The following TXNDC12 variants were observed in gnomAD, a reference collection of about 807,000 sequenced individuals.
TXNDC12 encodes the protein thioredoxin domain containing 12.
TXNDC12 carries 22 observed loss-of-function variants against 24.2 expected under a neutral mutation model. That is an observed-to-expected ratio of 0.91 (90% confidence interval 0.65 to 1.30). TXNDC12 has a LOEUF of 1.30. Ranked by LOEUF, TXNDC12 falls within the 50% of genes most tolerant of loss-of-function variation. The pLI is 0.00. For missense variants in TXNDC12, 184 were observed against 205.8 expected (o/e 0.89, Z 0.65); for synonymous variants, 58 against 73.4 (o/e 0.79, Z 1.07).
At chr1:52,054,380 G>A (rs1385125605) in intron 1 of TXNDC12, among the ~76,000 whole-genome samples, 4 of 152,226 alleles carry the variant, frequency 2.6e-5, no homozygotes, top group African/African-American at 9.6e-5. Context: ...AATGGATGGA[G>A]TAGGGGGCCA....
At chr1:52,029,038 G>T (rs1571999620) in intron 2 of TXNDC12, among the ~76,000 whole-genome samples, 1 of 152,122 alleles carries the variant, frequency 6.6e-6, no homozygotes, top group East Asian at 1.9e-4. Context: ...TGAAATATGA[G>T]AATTGCTTAA....
At position 52,041,586 on chromosome 1, in the gene TXNDC12, G is replaced by A; in HGVS notation, c.109C>T (p.His37Tyr). ...TCTTCCAGTGTCCTCCAATGAATAT[G>A]ATCTCCAAAACCTGGAAGGAAAGAA... ...HNGLGKGFGDHIHWRTLEDGK... is the reference protein window; with the variant it reads ...HNGLGKGFGDYIHWRTLEDGK... The change falls in exon 2 of 7, where the codon CAT becomes TAT. Residue 37 changes from histidine (H) to tyrosine (Y), a missense_variant. His to Tyr is a moderately conservative substitution (Grantham distance 83). Coordinates refer to ENST00000371626, the MANE Select transcript of TXNDC12 (RefSeq NM_015913.4). The A allele has an allele frequency of 6.2e-7, 1 of 1,610,452 alleles. No individual in the cohort carries two copies. The highest frequency in any genetic ancestry group is 8.5e-7 in the Non-Finnish European group (1 of 1,177,734).
intron 1 of TXNDC12, 44 bp from the exon 2 acceptor site, chr1:52,041,641 G>C: frequency 1.5e-6 from 2 of 1,341,240 alleles, no homozygotes; most frequent in South Asian, 2.4e-5. Context: ...ATGAACAAAG[G>C]GCACAGTCCC....
rs762507500 is a variant in TXNDC12, at chr1:52,023,494, G to C, written c.436C>G (p.Gln146Glu). Reference sequence around the variant, plus strand: ...CCTCCCTTCAGCATAACTATACCTTGCTCGGCACTGACATAAAAATACTTG... The same window carrying C: ...CCTCCCTTCAGCATAACTATACCTTCCTCGGCACTGACATAAAAATACTTG... ...SYKYFYVSAE[Q>E]VVQGMKEAQE... The change falls in exon 6 of 7, where the codon CAA (glutamine) becomes GAA (glutamate). Residue 146 changes from glutamine to glutamate, a missense_variant. Transcript: ENST00000371626. The C allele has an allele frequency of 8.1e-6, 13 of 1,612,778 alleles. No individual in the cohort carries two copies. Among genetic ancestry groups the C allele is most frequent in the Non-Finnish European group, 1.1e-5 (13 of 1,178,838 alleles).
At chr1:52,025,992 C>T (rs1685666841) in intron 4 of TXNDC12, among the ~76,000 whole-genome samples, 1 of 151,912 alleles carries the variant, frequency 6.6e-6, no homozygotes, top group Admixed American at 6.6e-5. Context: ...CCACACCCAG[C>T]TAATTTTTTT....
At chr1:52,032,463 T>G in intron 2 of TXNDC12, 2 of 1,304,718 alleles carry the variant, frequency 1.5e-6, no homozygotes, top group Non-Finnish European at 1.9e-6. Context: ...AGCTCTGTCC[T>G]CTGAGGGATT....
At chr1:52,049,785 G>C (rs1040020820) in intron 1 of TXNDC12, among the ~76,000 whole-genome samples, 1 of 151,302 alleles carries the variant, frequency 6.6e-6, no homozygotes, top group African/African-American at 2.4e-5. Flanking sequence ...CAATCTGCCC[G>C]CCTTGGCCTC....
intron 3 of TXNDC12, among the ~76,000 whole-genome samples, chr1:52,027,796 A>T (rs749451020): frequency 4.7e-5 from 7 of 149,774 alleles, no homozygotes; most frequent in Non-Finnish European, 1.0e-4. Flanking sequence ...TGTTATGTAT[A>T]TATGTGTATA....
At chr1:52,045,239 G>C (rs1304148296) in intron 1 of TXNDC12, among the ~76,000 whole-genome samples, 5 of 152,200 alleles carry the variant, frequency 3.3e-5, no homozygotes, top group Non-Finnish European at 7.3e-5. Context: ...GTGGTTAACA[G>C]GGATTCTGGG....
chr1:52,033,520 A>G, intron 2 of TXNDC12: 1 of 1,613,984 alleles, frequency 6.2e-7, no homozygotes, highest in Non-Finnish European at 8.5e-7. Flanking sequence ...GATGTAGTTA[A>G]GCGAGTCCAG....
intron 3 of TXNDC12, 120 bp from the exon 4 acceptor site, chr1:52,027,468 T>A (rs566044823): frequency 1.3e-6 from 1 of 752,456 alleles, no homozygotes; most frequent in Admixed American, 2.8e-5. Context: ...TTGATTCATA[T>A]AACAAACTTT....
chr1:52,033,484 C>G lies in TXNDC12; in HGVS notation c.159-4854G>C, dbSNP rs556191211. The G allele has an allele frequency of 2.5e-6, 4 of 1,613,806 alleles. No individual in the cohort carries two copies. The East Asian group carries it at 8.9e-5, about 36-fold the overall frequency. On this transcript the variant is annotated intron_variant, in intron 2 of 6. Coordinates refer to ENST00000371626, the MANE Select transcript of TXNDC12 (RefSeq NM_015913.4). ...CGGGGTGCGCGCCGCCCGTGCCAGG[C>G]AGTAGAGCTCGTAACGGAAACCTTT...
At chr1:52,037,861 A>C (rs1685914261) in intron 2 of TXNDC12, among the ~76,000 whole-genome samples, 1 of 152,000 alleles carries the variant, frequency 6.6e-6, no homozygotes, top group Non-Finnish European at 1.5e-5. Flanking sequence ...TTTTTGCACA[A>C]AAGAGTAGAG....
At chr1:52,025,009 T>C (rs1557990267) in intron 4 of TXNDC12, among the ~76,000 whole-genome samples, 1 of 152,212 alleles carries the variant, frequency 6.6e-6, no homozygotes. Flanking sequence ...ATCTGACATA[T>C]TCTAAAATAC....
intron 2 of TXNDC12, among the ~76,000 whole-genome samples, chr1:52,036,219 A>G (rs2124375655): frequency 6.6e-6 from 1 of 152,322 alleles, no homozygotes; most frequent in South Asian, 2.1e-4. Context: ...CTTACTAATA[A>G]TATATTCAGT....
At chr1:52,027,951 G>A (rs1293814027) in intron 3 of TXNDC12, among the ~76,000 whole-genome samples, 2 of 151,728 alleles carry the variant, frequency 1.3e-5, no homozygotes, top group South Asian at 2.1e-4. Context: ...TCAGCCTCCC[G>A]AGTAGCTAGG....
chr1:52,035,832 A>C lies in TXNDC12; in HGVS notation c.158+5705T>G, dbSNP rs76241915. Among the ~76,000 whole-genome samples, 757 of 152,276 alleles carry C rather than the reference A, an allele frequency of 5.0e-3. 14 individuals carry two copies. In the South Asian group the frequency reaches 0.057, roughly 12 times the overall value. ...ACTAAACCTACTTGAGACTTTACAG[A>C]CTATTCAACTTGATTCTAGCAGGCA... On this transcript the variant is annotated intron_variant, in intron 2 of 6. Transcript: ENST00000371626.
At chr1:52,049,844 C>T (rs1470188691) in intron 1 of TXNDC12, among the ~76,000 whole-genome samples, 1 of 152,040 alleles carries the variant, frequency 6.6e-6, no homozygotes, top group Non-Finnish European at 1.5e-5. Flanking sequence ...AGCCTAAGTG[C>T]TTATTTTATG....
chr1:52,028,468 T>A (rs374383439), intron 3 of TXNDC12, 110 bp downstream of exon 3: 1 of 796,476 alleles, frequency 1.3e-6, no homozygotes. Flanking sequence ...TTCTTTAGTA[T>A]TCCTTAAACA....
Sources: allele counts gnomAD v4.1 joint callset (sites outside exome capture counted in the v4.1 genomes callset), GRCh38; gene constraint gnomAD v4.1.1; transcripts MANE v1.5; gene names NCBI Gene and HGNC (gene_info 2026-07-23, HGNC 2026-07-21).